Variants in SSBP3 observed in about 807,000 individuals in gnomAD.
SSBP3 encodes the protein single stranded DNA binding protein 3.
A neutral mutation model predicts 69.6 loss-of-function variants in SSBP3; 5 were observed. That is an observed-to-expected ratio of 0.07 (90% CI 0.04 to 0.15). The LOEUF (loss-of-function observed/expected upper bound fraction) is 0.15, where lower values mean the gene tolerates loss of function less well. SSBP3 is among the 10% of genes least tolerant of loss of function. The pLI is 1.00. For synonymous variants in SSBP3, 196 were observed against 193.4 expected, an observed-to-expected ratio of 1.01 and a Z score of -0.11; for missense variants, 312 against 534.0, an observed-to-expected ratio of 0.58 and a Z score of 4.10.
intron 4 of SSBP3, among the ~76,000 whole-genome samples, chr1:54,395,083 T>C (rs1437395775): frequency 6.6e-6 from 1 of 151,478 alleles, no homozygotes; most frequent in African/African-American, 2.4e-5. Flanking sequence ...GATTCCCTTA[T>C]ACAATAAAAA....
intron 4 of SSBP3, among the ~76,000 whole-genome samples, chr1:54,289,020 C>CAAAAAAAA (rs777871964): frequency 2.5e-4 from 11 of 43,764 alleles, no homozygotes; most frequent in Non-Finnish European, 4.8e-4. Context: ...ACTCTGTCTC[C>CAAAAAAAA]AAAAAAAAAA....
At chr1:54,406,892 G>A (rs915227336), upstream of SSBP3, among the ~76,000 whole-genome samples, 1 of 127,262 alleles carries the variant, frequency 7.9e-6, no homozygotes, top group Non-Finnish European at 1.6e-5. Context: ...CTCGCCCTCC[G>A]CTCTTGGTTG....
chr1:54,290,706 C>A (rs551094670), intron 4 of SSBP3, among the ~76,000 whole-genome samples: 1 of 152,326 alleles, frequency 6.6e-6, no homozygotes, highest in African/African-American at 2.4e-5. Context: ...TGGATCCCAG[C>A]CAGTGCACCC....
At chr1:54,248,138 T>C (rs1168554838) in intron 9 of SSBP3, among the ~76,000 whole-genome samples, 1 of 152,030 alleles carries the variant, frequency 6.6e-6, no homozygotes, top group African/African-American at 2.4e-5. Context: ...AGTTCTGGAG[T>C]GGTCACTGGC....
chr1:54,283,688 G>A (rs1645436776), intron 4 of SSBP3, among the ~76,000 whole-genome samples: 1 of 152,224 alleles, frequency 6.6e-6, no homozygotes, highest in Non-Finnish European at 1.5e-5. Flanking sequence ...TCTGCCTACA[G>A]AAAAACAGCC....
At chr1:54,285,806 A>G (rs1049094630) in intron 4 of SSBP3, among the ~76,000 whole-genome samples, 3 of 152,204 alleles carry the variant, frequency 2.0e-5, no homozygotes, top group Non-Finnish European at 2.9e-5. Context: ...CAGTGGGTGC[A>G]TGGGCTAGAA....
At chr1:54,346,159 C>T (rs1646686881) in intron 4 of SSBP3, among the ~76,000 whole-genome samples, 1 of 148,168 alleles carries the variant, frequency 6.7e-6, no homozygotes, top group South Asian at 2.1e-4. Flanking sequence ...AAGACTTCAT[C>T]TCAAAAAAAA....
intron 4 of SSBP3, among the ~76,000 whole-genome samples, chr1:54,362,179 A>C (rs1646961056): frequency 6.6e-6 from 1 of 152,128 alleles, no homozygotes; most frequent in Non-Finnish European, 1.5e-5. Flanking sequence ...AGCAAGAAAG[A>C]TCTCTCCCTT....
At chr1:54,390,755 G>A (rs1212651350) in intron 4 of SSBP3, among the ~76,000 whole-genome samples, 1 of 152,248 alleles carries the variant, frequency 6.6e-6, no homozygotes, top group Non-Finnish European at 1.5e-5. Context: ...AGATCGTGGA[G>A]AGCCCTGCCC....
intron 13 of SSBP3, 76 bp downstream of exon 13, chr1:54,240,829 G>T: frequency 1.3e-5 from 20 of 1,581,800 alleles, no homozygotes; most frequent in Non-Finnish European, 1.7e-5. Flanking sequence ...CTGCAACAGT[G>T]CCCCTCCAGG....
exon 18 of SSBP3, chr1:54,225,689 A>C (rs536275832): frequency 4.5e-6 from 1 of 221,142 alleles, no homozygotes; most frequent in South Asian, 1.8e-4. Context: ...GGAGGGAGGA[A>C]GGAGAAGGGC....
At chr1:54,390,812 G>T (rs914899945) in intron 4 of SSBP3, among the ~76,000 whole-genome samples, 52 of 152,250 alleles carry the variant, frequency 3.4e-4, no homozygotes, top group African/African-American at 1.1e-3. Flanking sequence ...CGGGCTCCGA[G>T]TGGGATCTGG....
intron 11 of SSBP3, 37 bp from the exon 12 acceptor site, chr1:54,241,546 C>A (rs1366719692): frequency 3.1e-6 from 5 of 1,610,838 alleles, no homozygotes; most frequent in Non-Finnish European, 4.2e-6. Flanking sequence ...ACGTCAGAGT[C>A]ACTGAGTGCC....
At chr1:54,311,144 G>A (rs958779069) in intron 4 of SSBP3, among the ~76,000 whole-genome samples, 3 of 152,180 alleles carry the variant, frequency 2.0e-5, no homozygotes, top group Admixed American at 1.3e-4. Context: ...ACACATCATG[G>A]GGAGAGAACT....
chr1:54,242,881 C>T (rs941635363), intron 10 of SSBP3: 3 of 189,924 alleles, frequency 1.6e-5, no homozygotes, highest in Non-Finnish European at 3.2e-5. Context: ...ACCCGGGAGG[C>T]GGAGATTGCA....
At chr1:54,269,333 CT>C (rs1391393338) in intron 5 of SSBP3, among the ~76,000 whole-genome samples, 1 of 152,176 alleles carries the variant, frequency 6.6e-6, no homozygotes, top group East Asian at 1.9e-4. Context: ...CCCCAAAGCC[CT>C]TGACGGCCCA....
chr1:54,334,154 C>T lies in SSBP3; in HGVS notation c.277-52627G>A, dbSNP rs113531223. Among the ~76,000 whole-genome samples, 119 of 152,210 alleles carry T rather than the reference C, an allele frequency of 7.8e-4. 2 individuals are homozygous for T. Among genetic ancestry groups the T allele is most frequent in the African/African-American group, 2.9e-3 (119 of 41,516 alleles). On this transcript the variant is annotated intron_variant, in intron 4 of 17. Coordinates refer to ENST00000610401, the Ensembl canonical transcript of SSBP3. ...GGATCACGAGGTCAAGCTATTGAGA[C>T]CATCCTGGCCAACATGGTGAAACCC...
At chr1:54,305,863 G>A (rs964457431) in intron 4 of SSBP3, among the ~76,000 whole-genome samples, 10 of 148,622 alleles carry the variant, frequency 6.7e-5, no homozygotes, top group African/African-American at 2.0e-4. Flanking sequence ...TCTAGCAGCC[G>A]TCTCTCCCTG....
intron 4 of SSBP3, among the ~76,000 whole-genome samples, chr1:54,324,831 A>C (rs1431544163): frequency 6.6e-6 from 1 of 152,138 alleles, no homozygotes; most frequent in South Asian, 2.1e-4. Flanking sequence ...TATGTCGGTA[A>C]ATCTGCTAAA....
Sources: allele counts gnomAD v4.1 joint callset (sites outside exome capture counted in the v4.1 genomes callset), GRCh38; gene constraint gnomAD v4.1.1; transcripts MANE v1.5; gene names NCBI Gene and HGNC (gene_info 2026-07-23, HGNC 2026-07-21).